Variants in STX8 observed in about 807,000 individuals in gnomAD.
The protein encoded by STX8 is syntaxin-8.
STX8 carries 23 observed loss-of-function variants against 37.5 expected under a neutral mutation model. The observed-to-expected ratio is 0.61, with a 90% CI of 0.44 to 0.87. The LOEUF is 0.87. STX8 is among the 40% of genes least tolerant of loss of function. The pLI, the probability that STX8 is intolerant of heterozygous loss-of-function variation, is 0.00. For synonymous variants in STX8, 115 were observed against 99.1 expected (o/e 1.16, Z -0.95); for missense variants, 313 against 284.7 (o/e 1.10, Z -0.71).
intron 6 of STX8, among the ~76,000 whole-genome samples, chr17:9,430,124 T>TAAAATATATATAATTTATATATA (rs1913897151): frequency 1.1e-5 from 1 of 92,444 alleles, no homozygotes; most frequent in Non-Finnish European, 2.0e-5. Context: ...TAAATAAATA[T>TAAAATATATATAATTTATATATA]AAATATAAAA....
chr17:9,300,650 CT>C (rs1908738025), intron 7 of STX8, among the ~76,000 whole-genome samples: 1 of 152,000 alleles, frequency 6.6e-6, no homozygotes, highest in South Asian at 2.1e-4. Context: ...TGGCAAAGGA[CT>C]TGGCGTTCTT....
intron 6 of STX8, among the ~76,000 whole-genome samples, chr17:9,380,082 G>T: frequency 1.3e-5 from 2 of 151,928 alleles, no homozygotes; most frequent in Middle Eastern, 6.8e-3. Context: ...AGTATAGTAC[G>T]ATCTTAACTA....
chr17:9,320,817 C>G (rs925639976), intron 7 of STX8, among the ~76,000 whole-genome samples: 3 of 151,520 alleles, frequency 2.0e-5, no homozygotes. Context: ...AGGAGAATCA[C>G]TTGAACCCAG....
At chr17:9,329,356 A>T (rs564451063) in intron 7 of STX8, among the ~76,000 whole-genome samples, 99 of 152,340 alleles carry the variant, frequency 6.5e-4, no homozygotes, top group African/African-American at 2.2e-3. Context: ...AAAGAGAGTC[A>T]GGACCAGCTC....
At chr17:9,383,411 G>A (rs62067144) in intron 6 of STX8, among the ~76,000 whole-genome samples, 12,994 of 152,226 alleles carry the variant, frequency 0.085, 780 homozygotes, top group Middle Eastern at 0.16. Flanking sequence ...AGGGTATGAC[G>A]AAATTCAGTG....
At chr17:9,257,291 T>C (rs1208933291) in intron 7 of STX8, among the ~76,000 whole-genome samples, 1 of 152,198 alleles carries the variant, frequency 6.6e-6, no homozygotes, top group East Asian at 1.9e-4. Flanking sequence ...GAGAGGATAT[T>C]AAACACAGTC....
At chr17:9,273,480 A>T (rs548987674) in intron 7 of STX8, 2 of 152,360 alleles carry the variant, frequency 1.3e-5, no homozygotes, top group South Asian at 4.2e-4. Flanking sequence ...CCCAGTCTCC[A>T]CCCCCAGCAG....
At chr17:9,427,851 G>T (rs990461151) in intron 6 of STX8, among the ~76,000 whole-genome samples, 6 of 152,160 alleles carry the variant, frequency 3.9e-5, no homozygotes, top group African/African-American at 1.2e-4. Context: ...GTTGAAAAGC[G>T]TGTCTGCTGC....
intron 5 of STX8, among the ~76,000 whole-genome samples, chr17:9,493,953 T>C (rs1906969252): frequency 6.6e-6 from 1 of 151,904 alleles, no homozygotes; most frequent in African/African-American, 2.4e-5. Flanking sequence ...AATCATATTG[T>C]TTATCTATAT....
At chr17:9,299,660 G>T (rs906251889) in intron 7 of STX8, among the ~76,000 whole-genome samples, 7 of 151,998 alleles carry the variant, frequency 4.6e-5, no homozygotes, top group Non-Finnish European at 8.8e-5. Context: ...AGCCAGGATG[G>T]TCTCAATCTC....
Position 9,360,227 on chromosome 17 carries a change from C to CTT in STX8, c.643+18323_643+18324dup, listed in dbSNP as rs58213453. The stretch of plus-strand genomic sequence containing the variant: ...ATACATATAATGTAAAATTAACCGT[C>CTT]TTTTTTTTTTTTTTTTTTTTTTTTG... On this transcript the variant is annotated intron_variant, in intron 7 of 7. Transcript: ENST00000306357. 6.5e-3 allele frequency among the ~76,000 whole-genome samples: 470 copies of CTT among 72,532 alleles called. 18 individuals are homozygous for CTT. The highest frequency in any genetic ancestry group is 0.021 in the African/African-American group (392 of 18,700). 47.6% of individuals were successfully genotyped at this position (72,532 alleles called of 152,430 possible). A position where few individuals can be genotyped will look rare whatever the true frequency, so the allele number is the denominator to read the frequency against.
At chr17:9,513,313 CAAAAAAAAAAAAA>C (rs35228175) in intron 4 of STX8, among the ~76,000 whole-genome samples, 2 of 78,038 alleles carry the variant, frequency 2.6e-5, no homozygotes, top group Non-Finnish European at 5.2e-5. Context: ...ACTCTATTTC[CAAAAAAAAAAAAA>C]AAAAAAAAGA....
At chr17:9,549,898 T>C (rs1427376196) in intron 3 of STX8, among the ~76,000 whole-genome samples, 1 of 152,002 alleles carries the variant, frequency 6.6e-6, no homozygotes, top group East Asian at 1.9e-4. Flanking sequence ...GGGGAAACAG[T>C]GTGCCTGAGT....
chr17:9,461,139 T>C (rs1471559991), intron 6 of STX8: 2 of 151,944 alleles, frequency 1.3e-5, no homozygotes, highest in African/African-American at 4.8e-5. Flanking sequence ...CAAGTGAGAG[T>C]TCCTTACAAC....
chr17:9,500,861 C>T (rs543600459), intron 5 of STX8, among the ~76,000 whole-genome samples: 12 of 152,018 alleles, frequency 7.9e-5, no homozygotes, highest in Middle Eastern at 3.4e-3. Flanking sequence ...AAAAATTAGC[C>T]GCGCGTGGTG....
intron 6 of STX8, among the ~76,000 whole-genome samples, chr17:9,386,627 A>C (rs2142296279): frequency 6.6e-6 from 1 of 151,826 alleles, no homozygotes; most frequent in East Asian, 1.9e-4. Flanking sequence ...GAATAACAAA[A>C]TTTCAGACCT....
chr17:9,418,232 G>A (rs1446896373), intron 6 of STX8, among the ~76,000 whole-genome samples: 10 of 152,228 alleles, frequency 6.6e-5, no homozygotes, highest in South Asian at 2.1e-4. Flanking sequence ...AATCAGAGAC[G>A]TGGTATTGGA....
chr17:9,467,575 G>A (rs897307724), intron 6 of STX8, among the ~76,000 whole-genome samples: 3 of 152,144 alleles, frequency 2.0e-5, no homozygotes, highest in Admixed American at 1.3e-4. Flanking sequence ...AGAAAGGCTC[G>A]CTTTGGAAAA....
At chr17:9,300,039 T>A (rs1405122417) in intron 7 of STX8, among the ~76,000 whole-genome samples, 1 of 152,042 alleles carries the variant, frequency 6.6e-6, no homozygotes, top group Non-Finnish European at 1.5e-5. Flanking sequence ...GGGTTGAAAA[T>A]TCCCCAATTA....
Sources: allele counts gnomAD v4.1 joint callset (sites outside exome capture counted in the v4.1 genomes callset), GRCh38; gene constraint gnomAD v4.1.1; transcripts MANE v1.5; gene names NCBI Gene and HGNC (gene_info 2026-07-23, HGNC 2026-07-21).